The following SYT17 variants were observed in gnomAD, a reference collection of about 807,000 sequenced individuals.
The protein encoded by SYT17 is synaptotagmin 17.
In SYT17, 22 loss-of-function variants were observed where a neutral mutation model predicts 46.7. The ratio of observed to expected loss-of-function variants is 0.47; its 90% confidence interval spans 0.34 to 0.67. SYT17 has a LOEUF of 0.67. SYT17 is among the 30% of genes least tolerant of loss of function. The probability of loss-of-function intolerance (pLI) is 0.01; values close to 1 mark genes in which losing one functional copy is unlikely to be tolerated. For synonymous variants in SYT17, 251 were observed against 248.4 expected (o/e 1.01, Z -0.10); for missense variants, 519 against 612.8 (o/e 0.85, Z 1.62).
chr16:19,254,576 A>G (rs1968428228), intron 7 of SYT17, among the ~76,000 whole-genome samples: 1 of 152,224 alleles, frequency 6.6e-6, no homozygotes, highest in South Asian at 2.1e-4. Context: ...TCAGGTGCTC[A>G]TGGTGAACCT....
intron 5 of SYT17, among the ~76,000 whole-genome samples, chr16:19,202,477 C>T (rs1021956234): frequency 6.6e-6 from 1 of 152,174 alleles, no homozygotes; most frequent in Non-Finnish European, 1.5e-5. Flanking sequence ...TATTCGCTAA[C>T]CTAGAAGCTT....
chr16:19,199,975 C>A (rs1965397864), intron 5 of SYT17, among the ~76,000 whole-genome samples: 1 of 152,208 alleles, frequency 6.6e-6, no homozygotes, highest in South Asian at 2.1e-4. Context: ...TCTTTACTAT[C>A]CCTATTGTAC....
chr16:19,265,907 C>T (rs1399613000), intron 7 of SYT17, among the ~76,000 whole-genome samples: 2 of 152,206 alleles, frequency 1.3e-5, no homozygotes, highest in Non-Finnish European at 2.9e-5. Flanking sequence ...GTAGCCATTA[C>T]TCTCAGAAAA....
Position 19,223,051 on chromosome 16 carries a change from G to A in SYT17, c.958G>A (p.Val320Met), listed in dbSNP as rs1966380295. The change falls in exon 6 of 8, where the codon GTG (valine) becomes ATG (methionine). Residue 320 changes from valine (V) to methionine (M), a missense_variant. Coordinates refer to ENST00000355377, the MANE Select transcript of SYT17 (RefSeq NM_016524.4). ...KALIPSSQNE[V>M]ELGELLLSLN... Reference sequence around the variant, plus strand: ...TCATTTCCTTTCTCTACAGAATGAAGTGGAGCTGGGGGAGCTGCTTCTGTC... The same window carrying A: ...TCATTTCCTTTCTCTACAGAATGAAATGGAGCTGGGGGAGCTGCTTCTGTC... The A allele has an allele frequency of 6.2e-7, 1 of 1,613,900 alleles. No individual in the cohort carries two copies. Among genetic ancestry groups the A allele is most frequent in the South Asian group, 1.1e-5 (1 of 91,066 alleles).
chr16:19,179,088 T>C (rs190333611), intron 3 of SYT17, among the ~76,000 whole-genome samples: 139 of 152,092 alleles, frequency 9.1e-4, no homozygotes, highest in African/African-American at 3.1e-3. Flanking sequence ...TCAAGATGTA[T>C]TGAGCAGCTG....
chr16:19,213,405 A>G (rs1477841084), intron 5 of SYT17, among the ~76,000 whole-genome samples: 2 of 152,140 alleles, frequency 1.3e-5, no homozygotes, highest in Admixed American at 1.3e-4. Flanking sequence ...CTGTGATGGG[A>G]GGGGTAATTT....
At chr16:19,197,918 A>G (rs1193710214) in intron 5 of SYT17, among the ~76,000 whole-genome samples, 2 of 152,096 alleles carry the variant, frequency 1.3e-5, no homozygotes, top group African/African-American at 4.8e-5. Context: ...TAACTTCTTT[A>G]CCCCACAAGG....
At chr16:19,186,744 G>A (rs375274455) in intron 5 of SYT17, among the ~76,000 whole-genome samples, 12 of 152,156 alleles carry the variant, frequency 7.9e-5, no homozygotes, top group African/African-American at 1.7e-4. Flanking sequence ...TTTTGGAAGC[G>A]TCATCTGGAC....
At chr16:19,235,473 A>G (rs943947535) in intron 7 of SYT17, among the ~76,000 whole-genome samples, 1 of 152,200 alleles carries the variant, frequency 6.6e-6, no homozygotes, top group Non-Finnish European at 1.5e-5. Flanking sequence ...AACATATTCA[A>G]TAGGATTTAA....
chr16:19,193,179 C>T (rs75986319), intron 5 of SYT17, among the ~76,000 whole-genome samples: 3 of 152,166 alleles, frequency 2.0e-5, no homozygotes, highest in Admixed American at 6.5e-5. Flanking sequence ...CTTCAGTGGC[C>T]GGTGTGCAGG....
At chr16:19,184,442 G>A (rs556589156) in intron 5 of SYT17, among the ~76,000 whole-genome samples, 23 of 150,980 alleles carry the variant, frequency 1.5e-4, no homozygotes, top group African/African-American at 5.4e-4. Context: ...CTGGAGCGCC[G>A]TGGCGTGATC....
Position 19,268,058 on chromosome 16 carries a change from T to C in SYT17, c.*982T>C, listed in dbSNP as rs1051547. The C allele has an allele frequency of 0.67, 102,151 of 151,958 alleles. 35,869 individuals carry two copies. Among genetic ancestry groups the C allele is most frequent in the East Asian group, 0.99 (5,102 of 5,156 alleles). The allele number at this position is 151,958 out of a possible 1,614,324, so 9.4% of individuals were successfully genotyped here. ...TGACCCACGAAAGACATACAAAGAC[T>C]TGATATATGGATTAAAATGGCTATC... On this transcript the variant is annotated 3_prime_UTR_variant, in exon 8 of 8. Transcript: ENST00000355377.
chr16:19,245,666 G>A (rs1270888394), intron 7 of SYT17, among the ~76,000 whole-genome samples: 2 of 152,168 alleles, frequency 1.3e-5, no homozygotes, highest in African/African-American at 2.4e-5. Flanking sequence ...TTTTTCAAAT[G>A]GCTTCCCTGT....
At chr16:19,195,443 T>C (rs1441307372) in intron 5 of SYT17, among the ~76,000 whole-genome samples, 2 of 149,950 alleles carry the variant, frequency 1.3e-5, no homozygotes, top group Non-Finnish European at 3.0e-5. Context: ...GGGGCAGGCA[T>C]GGTGGCTCAC....
chr16:19,212,292 C>T (rs1157767189), intron 5 of SYT17, among the ~76,000 whole-genome samples: 1 of 152,148 alleles, frequency 6.6e-6, no homozygotes, highest in Non-Finnish European at 1.5e-5. Flanking sequence ...AGGCTAAGCA[C>T]TTTGAATTTT....
At chr16:19,250,359 T>TTGTG (rs55818940) in intron 7 of SYT17, among the ~76,000 whole-genome samples, 24,259 of 132,322 alleles carry the variant, frequency 0.18, 2,396 homozygotes, top group Non-Finnish European at 0.22. Flanking sequence ...TCAAACATGT[T>TTGTG]TGTGTGTGTG....
chr16:19,228,131 A>G (rs1966559112), intron 7 of SYT17, among the ~76,000 whole-genome samples: 1 of 152,220 alleles, frequency 6.6e-6, no homozygotes, highest in Admixed American at 6.5e-5. Context: ...AAAATTTTGC[A>G]TATAGTTGCA....
chr16:19,184,542 C>T (rs948228358), intron 5 of SYT17, among the ~76,000 whole-genome samples: 4 of 147,268 alleles, frequency 2.7e-5, no homozygotes, highest in East Asian at 2.0e-4. Flanking sequence ...CCCGCCACCA[C>T]GCCCTGCTAA....
At chr16:19,237,414 A>C (rs1966863506) in intron 7 of SYT17, among the ~76,000 whole-genome samples, 1 of 152,116 alleles carries the variant, frequency 6.6e-6, no homozygotes. Context: ...TAGCTAAAAC[A>C]GGGATGGGGG....
Sources: gnomAD v4.1 joint callset for allele counts (sites outside exome capture counted in the v4.1 genomes callset) on GRCh38, gnomAD v4.1.1 for gene constraint, MANE v1.5 for transcripts, NCBI Gene and HGNC (gene_info 2026-07-23, HGNC 2026-07-21) for gene names.